Variants in FRMPD4 observed in about 807,000 individuals in gnomAD.
FRMPD4 encodes FERM and PDZ domain-containing protein 4.
Under a neutral mutation model 94.1 loss-of-function variants are expected in FRMPD4, and 22 were observed. The ratio of observed to expected loss-of-function variants is 0.23; its 90% CI spans 0.17 to 0.33. The LOEUF is 0.33. FRMPD4 is among the 10% of genes least tolerant of loss of function. The pLI is 1.00. For synonymous variants in FRMPD4, 631 were observed against 548.6 expected (o/e 1.15, Z -2.10); for missense variants, 1,111 against 1,339.9 (o/e 0.83, Z 2.67).
intron 1 of FRMPD4, among the ~76,000 whole-genome samples, chrX:12,248,419 T>G (rs2053985349): frequency 1.8e-5 from 2 of 112,391 alleles, no homozygotes; most frequent in Admixed American, 1.9e-4. Flanking sequence ...TCACAAGAGA[T>G]AATTCTGGTA....
At chrX:11,997,673 T>C (rs1526795) in intron 3 of FRMPD4, among the ~76,000 whole-genome samples, 16,130 of 110,249 alleles carry the variant, frequency 0.15, 1,263 homozygotes, top group African/African-American at 0.28. Context: ...ATTCTCTTCT[T>C]ATGGTCATCA....
chrX:12,396,480 G>A (rs1262761245), intron 1 of FRMPD4, among the ~76,000 whole-genome samples: 2 of 111,768 alleles, frequency 1.8e-5, no homozygotes, highest in Non-Finnish European at 3.8e-5. Context: ...AATATTCCAC[G>A]TTTTGTTTAA....
intron 1 of FRMPD4, among the ~76,000 whole-genome samples, chrX:12,159,793 G>A (rs2055993309): frequency 8.9e-6 from 1 of 112,137 alleles, no homozygotes; most frequent in Non-Finnish European, 1.9e-5. Context: ...AGTGACACAT[G>A]TTTAAAAGAT....
chrX:12,172,173 CTGT>C (rs1326823264), intron 1 of FRMPD4, among the ~76,000 whole-genome samples: 2 of 108,361 alleles, frequency 1.8e-5, no homozygotes, highest in African/African-American at 3.4e-5. Flanking sequence ...CCTTATTTTG[CTGT>C]TGTTGTTGTT....
At chrX:12,303,372 T>G (rs188859880) in intron 1 of FRMPD4, among the ~76,000 whole-genome samples, 13 of 112,265 alleles carry the variant, frequency 1.2e-4, no homozygotes, top group South Asian at 3.7e-4. Flanking sequence ...AATTAATCAG[T>G]TATAATAATG....
chrX:12,007,572 C>T (rs2054560413), intron 3 of FRMPD4, among the ~76,000 whole-genome samples: 1 of 111,644 alleles, frequency 9.0e-6, no homozygotes, highest in Non-Finnish European at 1.9e-5. Context: ...TGTGTCCTCT[C>T]AATCCTTTTC....
At chrX:12,164,255 T>C (rs1419693537) in intron 1 of FRMPD4, among the ~76,000 whole-genome samples, 1 of 110,784 alleles carries the variant, frequency 9.0e-6, no homozygotes, top group East Asian at 2.8e-4. Flanking sequence ...GTCCATGTGT[T>C]CTCATTGTTC....
At chrX:12,627,434 T>C (rs927680969) in intron 4 of FRMPD4, among the ~76,000 whole-genome samples, 2 of 112,050 alleles carry the variant, frequency 1.8e-5, no homozygotes, top group Non-Finnish European at 3.8e-5. Flanking sequence ...ATGCTGACAC[T>C]ACAAATTGTA....
chrX:12,607,844 TTTTAAATG>T (rs2059145587), intron 2 of FRMPD4, among the ~76,000 whole-genome samples: 1 of 112,425 alleles, frequency 8.9e-6, no homozygotes, highest in Non-Finnish European at 1.9e-5. Flanking sequence ...TTAAAATGGA[TTTTAAATG>T]TTTGTTTTCC....
intron 3 of FRMPD4, among the ~76,000 whole-genome samples, chrX:12,049,491 A>G (rs1202969283): frequency 1.8e-5 from 2 of 111,158 alleles, no homozygotes; most frequent in Non-Finnish European, 1.9e-5. Flanking sequence ...ATCTTGCCTG[A>G]TTGCTCTGGC....
intron 3 of FRMPD4, among the ~76,000 whole-genome samples, chrX:12,102,753 G>T (rs1485422328): frequency 9.1e-6 from 1 of 110,131 alleles, no homozygotes; most frequent in Non-Finnish European, 1.9e-5. Context: ...TGAATTCCTG[G>T]AAATTAAATT....
chrX:12,296,274 C>T (rs2054770846), intron 1 of FRMPD4, among the ~76,000 whole-genome samples: 2 of 111,707 alleles, frequency 1.8e-5, no homozygotes, highest in African/African-American at 6.5e-5. Context: ...AGGACATTGT[C>T]ATTAATATTA....
At chrX:11,826,944 T>G (rs1168229036) in intron 1 of FRMPD4, among the ~76,000 whole-genome samples, 2 of 106,295 alleles carry the variant, frequency 1.9e-5, no homozygotes, top group Non-Finnish European at 3.9e-5. Context: ...GAGGAGGAGG[T>G]GTCATGAACT....
At chrX:12,268,823 C>T (rs1380306859) in intron 1 of FRMPD4, among the ~76,000 whole-genome samples, 1 of 112,028 alleles carries the variant, frequency 8.9e-6, no homozygotes, top group Non-Finnish European at 1.9e-5. Flanking sequence ...TTAAAGATTC[C>T]TACGTTTCTT....
At chrX:12,498,828 T>G in intron 2 of FRMPD4, 32 bp downstream of exon 2, 4 of 762,003 alleles carry the variant, frequency 5.2e-6, no homozygotes, top group Non-Finnish European at 7.9e-6. Flanking sequence ...AACAATAGAA[T>G]CCTTGGCCAA....
At chrX:11,891,305 G>A (rs146406317) in intron 3 of FRMPD4, among the ~76,000 whole-genome samples, 126 of 112,479 alleles carry the variant, frequency 1.1e-3, no homozygotes, top group South Asian at 3.3e-3. Flanking sequence ...AGAGCTTGGC[G>A]CCTGCCAGAG....
At chrX:12,674,950 G>T (rs1415527468) in intron 5 of FRMPD4, 42 bp downstream of exon 5, 1 of 883,013 alleles carries the variant, frequency 1.1e-6, no homozygotes. Flanking sequence ...ATGTTCTCAG[G>T]CTTCTTGTTT....
In FRMPD4 at chrX:12,686,272, T is replaced by C. The variant is rs1200443330; in HGVS notation, c.681+68T>C. 2.5e-5 allele frequency: 13 copies of C among 515,073 alleles called. No individual in the cohort carries two copies. In the Middle Eastern group the frequency reaches 1.4e-3, roughly 54 times the overall value. 42.4% of individuals were successfully genotyped at this position (515,073 alleles called of 1,213,427 possible). A position where few individuals can be genotyped will look rare whatever the true frequency, so the allele number is the denominator to read the frequency against. ...ACAACATGCAGGACACTGTGAGCCA[T>C]TGTAGCAGCATCTTCTTTCAGAACT... is the stretch of plus-strand genomic sequence containing the variant. On this transcript the variant is annotated intron_variant, in intron 7 of 16. Transcript: ENST00000675598.
chrX:12,592,597 C>T (rs1369699997), intron 2 of FRMPD4, among the ~76,000 whole-genome samples: 2 of 111,896 alleles, frequency 1.8e-5, no homozygotes, highest in Admixed American at 9.4e-5. Context: ...AAATATAATT[C>T]TTGTACCCTT....
Sources: gnomAD v4.1 joint callset for allele counts (sites outside exome capture counted in the v4.1 genomes callset) on GRCh38, gnomAD v4.1.1 for gene constraint, MANE v1.5 for transcripts, NCBI Gene and HGNC (gene_info 2026-07-23, HGNC 2026-07-21) for gene names.